Variants in SMPD4 observed in about 807,000 individuals in gnomAD.
SMPD4 encodes neutral sphingomyelinase 3.
SMPD4 carries 58 observed loss-of-function variants against 97.8 expected under a neutral mutation model. That is an observed-to-expected ratio of 0.59 (90% CI 0.48 to 0.74). The LOEUF is 0.74. Ranked by LOEUF, SMPD4 falls within the 30% of genes least tolerant of loss-of-function variation. The pLI is 0.00. For missense variants in SMPD4, 853 were observed against 1,080.5 expected (o/e 0.79, Z 2.95); for synonymous variants, 388 against 450.0 (o/e 0.86, Z 1.74).
intron 9 of SMPD4, among the ~76,000 whole-genome samples, chr2:130,167,115 T>G (rs1415272152): frequency 6.6e-6 from 1 of 151,624 alleles, no homozygotes; most frequent in Non-Finnish European, 1.5e-5. Context: ...CAACAGTTTC[T>G]TTTCTTTTTC....
intron 11 of SMPD4, chr2:130,157,669 GAC>G (rs1686953492): frequency 1.7e-6 from 1 of 576,894 alleles, no homozygotes; most frequent in Non-Finnish European, 2.9e-6. Context: ...CACTAAGACA[GAC>G]ACATCTGCAG....
intron 10 of SMPD4, 52 bp from the exon 11 acceptor site, chr2:130,161,324 G>A (rs1228985543): frequency 6.5e-7 from 1 of 1,529,924 alleles, no homozygotes. Context: ...CAGAGGACAA[G>A]AGAATGGGGT....
chr2:130,169,606 C>G (rs1688247891), intron 8 of SMPD4, among the ~76,000 whole-genome samples: 1 of 151,784 alleles, frequency 6.6e-6, no homozygotes, highest in African/African-American at 2.4e-5. Flanking sequence ...GTTCTGTTAC[C>G]CCAGGCTAAA....
At chr2:130,166,253 G>A (rs1469038035) in intron 9 of SMPD4, among the ~76,000 whole-genome samples, 1 of 134,708 alleles carries the variant, frequency 7.4e-6, no homozygotes, top group African/African-American at 2.9e-5. Flanking sequence ...AGGTTGCACA[G>A]AGCCAAGATT....
In SMPD4 at chr2:130,173,259, C is replaced by T. The variant is rs553175190; in HGVS notation, c.345+20G>A. 1.1e-5 allele frequency: 18 copies of T among 1,611,022 alleles called. No individual in the cohort carries two copies. The highest frequency in any genetic ancestry group is 1.1e-4 in the African/African-American group (8 of 74,932). ...GGCCCACTGCCCCGAGCACCACTCT[C>T]GCCACTGTGGTTTACTTACAGGCAA... On this transcript the variant is annotated intron_variant, in intron 5 of 19. Transcript: ENST00000680298.
At position 130,156,690 on chromosome 2, in the gene SMPD4, G is replaced by A; in HGVS notation, c.1098-15C>T. ...GGACAGCAGCCCTGCAGGGGATGGG[G>A]AGGGTCACCTGCTGCTTGCCCAGTA... On this transcript the variant is annotated splice_polypyrimidine_tract_variant and intron_variant, in intron 12 of 19. Coordinates refer to ENST00000680298, the MANE Select transcript of SMPD4 (RefSeq NM_017951.5). 1 of 1,610,640 alleles carries A rather than the reference G, an allele frequency of 6.2e-7. No individual in the cohort carries two copies. Among genetic ancestry groups the A allele is most frequent in the Non-Finnish European group, 8.5e-7 (1 of 1,178,468 alleles).
In SMPD4 at chr2:130,181,527, C is replaced by T. The variant is rs1315935655; in HGVS notation, c.-46+3G>A. The T allele has an allele frequency of 1.2e-6, 2 of 1,602,282 alleles. No homozygotes were observed. Among genetic ancestry groups the T allele is most frequent in the African/African-American group, 1.3e-5 (1 of 74,792 alleles). ...TCTCAGGCGCGCATCCCGCGCCACT[C>T]ACCTGTGGGATCCATAGCGTCGCTC... On this transcript the variant is annotated splice_donor_region_variant and intron_variant, in intron 1 of 19. Transcript: ENST00000680298.
At position 130,153,917 on chromosome 2, in the gene SMPD4, G is replaced by T; in HGVS notation, c.1678C>A (p.Leu560Ile). The T allele has an allele frequency of 6.2e-7, 1 of 1,613,654 alleles. No homozygotes were observed. Among genetic ancestry groups the T allele is most frequent in the Non-Finnish European group, 8.5e-7 (1 of 1,179,828 alleles). Residue 560 changes from leucine (L) to isoleucine (I), a missense_variant, in exon 17 of 20, where the codon CTC becomes ATC. By Grantham distance (5) the Leu-to-Ile change is conservative. Transcript: ENST00000680298. ...GCTGTGTGTTTGGCCTGTGTGATGA[G>T]CTGAGCGAGGCGCAGGACCTGCAAG... is the stretch of plus-strand genomic sequence containing the variant. ...ARTLVLRLAQ[L>I]ITQAKHTAKS...
In SMPD4 at chr2:130,165,108, TAAAAAAA is replaced by T. The variant is rs35361623; in HGVS notation, c.793-670_793-664del. On this transcript the variant is annotated intron_variant, in intron 9 of 19. Coordinates refer to ENST00000680298, the MANE Select transcript of SMPD4 (RefSeq NM_017951.5). ...CTGGCAACAAAGACAGACTCTGATT[TAAAAAAA>T]AAAAAAAAAAAAAAAAAAAAAAGGG... Among the ~76,000 whole-genome samples the T allele has an allele frequency of 3.1e-3, 193 of 61,914 alleles. 3 individuals are homozygous for T. Among genetic ancestry groups the T allele is most frequent in the African/African-American group, 0.013 (190 of 14,472 alleles). The allele number at this position is 61,914 out of a possible 152,430, so 40.6% of individuals were successfully genotyped here.
At chr2:130,168,159 C>T (rs984234724) in intron 8 of SMPD4, among the ~76,000 whole-genome samples, 2 of 152,192 alleles carry the variant, frequency 1.3e-5, no homozygotes, top group Admixed American at 6.5e-5. Context: ...GACAAATGAT[C>T]GTACCAACTT....
downstream of SMPD4, chr2:130,151,392 C>A (rs1200806980): frequency 3.3e-5 from 5 of 151,956 alleles, no homozygotes; most frequent in Non-Finnish European, 5.9e-5. Context: ...GAGACTGAGC[C>A]CAGGTGCCAG....
Position 130,152,687 on chromosome 2 carries a change from C to T in SMPD4, c.2352G>A (p.Leu784=). The T allele has an allele frequency of 6.4e-7, 1 of 1,572,564 alleles. No homozygotes were observed. The highest frequency in any genetic ancestry group is 8.6e-7 in the Non-Finnish European group (1 of 1,160,136). The change falls in exon 20 of 20, where the codon CTG becomes CTA. Residue 784 remains leucine, a synonymous_variant. Coordinates refer to ENST00000680298, the MANE Select transcript of SMPD4 (RefSeq NM_017951.5). Reference sequence around the variant, plus strand: ...ACAGAGAGGCCACGAAGAAGGCCAGCAGCAGCGAGACCAGCGTCCGGTAAC... The same window carrying T: ...ACAGAGAGGCCACGAAGAAGGCCAGTAGCAGCGAGACCAGCGTCCGGTAAC... ...LGSYRTLVSL[L]LAFFVASLFC...
chr2:130,173,710 G>A (rs1427575432), intron 3 of SMPD4, 54 bp from the exon 4 acceptor site: 30 of 1,608,512 alleles, frequency 1.9e-5, no homozygotes, highest in East Asian at 1.6e-4. Flanking sequence ...CTCCTGCCCC[G>A]GCTCTAGTCC....
At position 130,152,600 on chromosome 2, in the gene SMPD4, A is replaced by G. The variant is rs1175564324; in HGVS notation, c.2439T>C (p.Ser813=). The G allele has an allele frequency of 1.5e-5, 24 of 1,551,070 alleles. No homozygotes were observed. Among genetic ancestry groups the G allele is most frequent in the Non-Finnish European group, 2.1e-5 (24 of 1,147,578 alleles). The stretch of plus-strand genomic sequence containing the variant: ...CCCGCTCGGTCAGCAGTGTCATGGC[A>G]GAGGCGTAGAGGACATAGCCCAGGG... ...LLTLGYVLYA[S]AMTLLTERGK... Residue 813 remains serine (S), a synonymous_variant, in exon 20 of 20, where the codon TCT becomes TCC. Transcript: ENST00000680298.
At chr2:130,157,534 G>T in intron 11 of SMPD4, 138 bp from the exon 12 acceptor site, 2 of 1,483,734 alleles carry the variant, frequency 1.3e-6, no homozygotes, top group Non-Finnish European at 1.8e-6. Context: ...CCAGGAGTGG[G>T]GCCACCCCAT....
chr2:130,155,972 C>T (rs1258421841), intron 14 of SMPD4, 63 bp downstream of exon 14: 11 of 1,539,070 alleles, frequency 7.1e-6, no homozygotes, highest in Non-Finnish European at 8.9e-6. Flanking sequence ...TGGCCTCCAC[C>T]CACTGGAACA....
rs573353475 is a variant in SMPD4, at chr2:130,154,498, C to T, written c.1454-16G>A. The T allele has an allele frequency of 3.9e-5, 60 of 1,551,650 alleles. No individual in the cohort carries two copies. Among genetic ancestry groups the T allele is most frequent in the South Asian group, 1.3e-4 (11 of 84,162 alleles). Reference sequence around the variant, plus strand: ...AGCTGCTCACCTAGAAGGCAGGAGACGAACCTGGCACCCACTTCCCGGAGG... The same window carrying T: ...AGCTGCTCACCTAGAAGGCAGGAGATGAACCTGGCACCCACTTCCCGGAGG... On this transcript the variant is annotated splice_polypyrimidine_tract_variant and intron_variant, in intron 15 of 19. Transcript: ENST00000680298.
rs373022859 is a variant in SMPD4 at position 130,172,476 on chromosome 2, G to A, written c.532C>T (p.Arg178Cys). 74 of 1,611,216 alleles carry A rather than the reference G, an allele frequency of 4.6e-5. No homozygotes were observed. The highest frequency in any genetic ancestry group is 3.2e-4 in the South Asian group (29 of 90,704). The change falls in exon 8 of 20, where the codon CGT (arginine) becomes TGT (cysteine). Residue 178 changes from arginine (R) to cysteine (C), a missense_variant. Physicochemically the swap from Arg to Cys is radical, Grantham distance 180. Around this residue, in one of 3 missense-constraint regions of SMPD4, gnomAD observed 313 missense variants for 402.2 expected, o/e 0.78. Transcript: ENST00000680298. ...QKPLPVSLHV[R>C]TSDCAYFILV... ...ATGAAATAGGCACAGTCTGAAGTAC[G>A]GACGTGGAGGGACACAGGAAGTGGC...
In SMPD4 at chr2:130,172,432, C is replaced by T. The variant is rs1035544404; in HGVS notation, c.576G>A (p.Leu192=). The stretch of plus-strand genomic sequence containing the variant: ...TGCCTTCGGTGGGCAGGAACCATGA[C>T]AGGTACCTGTCCACCAGGATGAAAT... ...CAYFILVDRY[L]SWFLPTEGSV... Residue 192 remains leucine, a synonymous_variant, in exon 8 of 20, where the codon CTG becomes CTA. Transcript: ENST00000680298. 2 of 1,612,196 alleles carry T rather than the reference C, an allele frequency of 1.2e-6. No individual in the cohort carries two copies. Among genetic ancestry groups the T allele is most frequent in the Non-Finnish European group, 1.7e-6 (2 of 1,179,198 alleles).
Sources: gnomAD v4.1 joint callset for allele counts (sites outside exome capture counted in the v4.1 genomes callset) on GRCh38, gnomAD v4.1.1 for gene constraint, gnomAD v4.1.1 regional missense constraint, MANE v1.5 for transcripts, NCBI Gene and HGNC (gene_info 2026-07-23, HGNC 2026-07-21) for gene names.